ENPP7: variants seen among roughly 807,000 people sequenced by gnomAD.
ENPP7 encodes the protein ectonucleotide pyrophosphatase/phosphodiesterase 7, also known as ectonucleotide pyrophosphatase/phosphodiesterase family member 7.
ENPP7 carries 39 observed loss-of-function variants against 33.6 expected under a neutral mutation model. That is an observed-to-expected ratio of 1.16 (90% CI 0.90 to 1.52). The LOEUF is 1.52. Among genes scored for constraint, ENPP7 ranks in the 40% most tolerant of loss-of-function variants. The probability of loss-of-function intolerance (pLI) is 0.00; values close to 1 mark genes in which losing one functional copy is unlikely to be tolerated. For missense variants in ENPP7, 594 were observed against 641.0 expected, an observed-to-expected ratio of 0.93 and a Z score of 0.79; for synonymous variants, 244 against 274.3, an observed-to-expected ratio of 0.89 and a Z score of 1.09.
In ENPP7 at chr17:79,738,116, C is replaced by G; in HGVS notation, c.*16+54C>G. 2 of 1,564,430 alleles carry G rather than the reference C, an allele frequency of 1.3e-6. No homozygotes were observed. Among genetic ancestry groups the G allele is most frequent in the Admixed American group, 3.4e-5 (2 of 59,494 alleles). ...GGGTGGCCCCACGCTCCCTGACCCT[C>G]CACCCTGATGTCCCAGCTACAGTCC... On this transcript the variant is annotated intron_variant, in intron 5 of 5. Coordinates refer to ENST00000328313, the MANE Select transcript of ENPP7 (RefSeq NM_178543.5). The surrounding 1 kb of genome is among the most constrained non-coding windows in gnomAD (Gnocchi z 6.2).
intron 1 of ENPP7, among the ~76,000 whole-genome samples, chr17:79,732,623 C>T (rs1174561359): frequency 4.6e-5 from 7 of 152,162 alleles, no homozygotes; most frequent in African/African-American, 1.7e-4. Flanking sequence ...AGCATCACTC[C>T]GACCTCTCCC....
rs1555823267 is a variant in ENPP7, at chr17:79,735,219, A to G, written c.576A>G (p.Thr192=). Residue 192 remains threonine, a synonymous_variant, in exon 3 of 6, where the codon ACA becomes ACG. Transcript: ENST00000328313. The surrounding 1 kb of genome is among the most constrained non-coding windows in gnomAD (Gnocchi z 5.5). ...WFTEEDLDLV[T]LYFGEPDSTG... is the part of the protein sequence containing the mutation. The stretch of plus-strand genomic sequence containing the variant: ...CAGAGGAGGACCTGGATCTGGTCAC[A>G]CTCTACTTCGGGGAGCCGGACTCCA... 1.2e-6 allele frequency: 2 copies of G among 1,613,046 alleles called. No homozygotes were observed. The highest frequency in any genetic ancestry group is 1.7e-6 in the Non-Finnish European group (2 of 1,179,982).
rs1289559689 is a variant in ENPP7, at chr17:79,735,728, CTT to C, written c.1026+71_1026+72del. ...GCTCCCTCCCCAGGCTCTGGGTCTT[CTT>C]TTTTTTTTTTTGAGACCAGGGTCTT... On this transcript the variant is annotated intron_variant, in intron 3 of 5. Coordinates refer to ENST00000328313, the MANE Select transcript of ENPP7 (RefSeq NM_178543.5). The surrounding 1 kb of genome is among the most constrained non-coding windows in gnomAD (Gnocchi z 5.5). The C allele has an allele frequency of 3.7e-3, 4,409 of 1,207,916 alleles. No homozygotes were observed. Among genetic ancestry groups the C allele is most frequent in the Non-Finnish European group, 4.3e-3 (3,785 of 889,946 alleles). 74.8% of individuals were successfully genotyped at this position (1,207,916 alleles called of 1,614,324 possible).
Position 79,731,536 on chromosome 17 carries a change from G to A in ENPP7, c.253+144G>A, listed in dbSNP as rs77245090. 1.5e-3 allele frequency: 1,612 copies of A among 1,109,542 alleles called. 19 individuals carry two copies. In the African/African-American group the frequency reaches 0.02, roughly 14 times the overall value. 68.7% of individuals were successfully genotyped at this position (1,109,542 alleles called of 1,614,324 possible). ...AAGGGGACCATTAGGAATCCTCACC[G>A]TTGGTAGCAACAGATCCGGGACAAA... On this transcript the variant is annotated intron_variant, in intron 1 of 5. Transcript: ENST00000328313.
intron 1 of ENPP7, 31 bp downstream of exon 1, chr17:79,731,423 G>T: frequency 1.3e-6 from 2 of 1,585,780 alleles, no homozygotes; most frequent in Non-Finnish European, 8.6e-7. Context: ...GGGCCTGGGG[G>T]TGGGAGGGCC....
chr17:79,732,134 A>G (rs782212450), intron 1 of ENPP7, among the ~76,000 whole-genome samples: 17,115 of 60,036 alleles, frequency 0.29, 2,766 homozygotes, highest in African/African-American at 0.4. Flanking sequence ...ATATATATGT[A>G]TATATATATA....
At chr17:79,733,683 G>C (rs755529885) in intron 2 of ENPP7, 30 bp downstream of exon 2, 31 of 1,576,058 alleles carry the variant, frequency 2.0e-5, no homozygotes, top group Non-Finnish European at 2.6e-5. Context: ...TACTGACATC[G>C]CAGAGCACGG....
Position 79,737,666 on chromosome 17 carries a change from C to T in ENPP7, c.1247-250C>T, listed in dbSNP as rs1219420781. Among the ~76,000 whole-genome samples, 8 of 152,212 alleles carry T rather than the reference C, an allele frequency of 5.3e-5. No individual in the cohort carries two copies. The highest frequency in any genetic ancestry group is 1.9e-4 in the African/African-American group (8 of 41,458). On this transcript the variant is annotated intron_variant, in intron 4 of 5. Transcript: ENST00000328313. The surrounding 1 kb of genome is among the most constrained non-coding windows in gnomAD (Gnocchi z 5.5). The stretch of plus-strand genomic sequence containing the variant: ...CACACCTCCCCACTGGAACCTGCCC[C>T]ATCTTGGGGACAAAGGCCACCTGGA...
intron 3 of ENPP7, 105 bp from the exon 4 acceptor site, chr17:79,736,936 C>A (rs74480328): frequency 2.3e-6 from 2 of 872,392 alleles, no homozygotes; most frequent in East Asian, 2.6e-5. Context: ...CCAGCCCTCA[C>A]GTTGGTGCTC....
rs1555823467 is a variant in ENPP7 at position 79,735,669 on chromosome 17, G to C, written c.1026G>C (p.Gly342=). The change falls in exon 3 of 6, where the codon GGG becomes GGC. Residue 342 remains glycine (G), a splice_region_variant and synonymous_variant. Coordinates refer to ENST00000328313, the MANE Select transcript of ENPP7 (RefSeq NM_178543.5). This position sits in a 1 kb window ranked among gnomAD's most constrained non-coding sequence, Gnocchi z 5.5. The part of the protein sequence containing the change: ...MYSDLGYVIH[G]RINVQFNNGE... ...GCGACCTTGGCTACGTCATCCATGG[G>C]GTGAGTCGCCTGCTGGAGGCACCAC... 1.2e-6 allele frequency: 2 copies of C among 1,601,274 alleles called. No individual in the cohort carries two copies. Among genetic ancestry groups the C allele is most frequent in the African/African-American group, 2.7e-5 (2 of 74,594 alleles).
At chr17:79,741,572 G>C (rs1905522166) in intron 5 of ENPP7, among the ~76,000 whole-genome samples, 1 of 148,758 alleles carries the variant, frequency 6.7e-6, no homozygotes, top group Non-Finnish European at 1.5e-5. Context: ...CCCCGCACCT[G>C]TGCCCTCCCA....
chr17:79,737,957 A>T lies in ENPP7; in HGVS notation c.1288A>T (p.Lys430Ter). The T allele has an allele frequency of 6.2e-7, 1 of 1,613,836 alleles. No homozygotes were observed. The highest frequency in any genetic ancestry group is 8.5e-7 in the Non-Finnish European group (1 of 1,179,996). ...PPDGRPTLLP[K>*]GRSALPPSSR... ...TGATGGAAGGCCTACTCTCCTGCCC[A>T]AGGGAAGATCTGCTCTCCCGCCCAG... Residue 430 changes from lysine (K) to a stop codon, truncating the protein, a stop_gained, in exon 5 of 6, where the codon AAG becomes TAG. Transcript: ENST00000328313. LOFTEE classifies it high-confidence loss of function. The surrounding 1 kb of genome is among the most constrained non-coding windows in gnomAD (Gnocchi z 5.5).
In ENPP7 at chr17:79,737,306, C is replaced by T. The variant is rs2094297831; in HGVS notation, c.1246+46C>T. On this transcript the variant is annotated intron_variant, in intron 4 of 5. Transcript: ENST00000328313. The surrounding 1 kb of genome is among the most constrained non-coding windows in gnomAD (Gnocchi z 5.5). ...ATCCCCGCCTGCTCTGGTGTGTACA[C>T]GTGTGCACACGAGGGTGCCTGCATG... The T allele has an allele frequency of 5.4e-6, 8 of 1,478,162 alleles. No individual in the cohort carries two copies. Among genetic ancestry groups the T allele is most frequent in the Middle Eastern group, 2.1e-4 (1 of 4,772 alleles). The allele number at this position is 1,478,162 out of a possible 1,614,324, so 91.6% of individuals were successfully genotyped here.
At position 79,736,540 on chromosome 17, in the gene ENPP7, T is replaced by TAC. The variant is rs1555823621; in HGVS notation, c.1027-501_1027-500insAC. Among the ~76,000 whole-genome samples the TAC allele has an allele frequency of 5.5e-3, 311 of 56,820 alleles. 3 individuals are homozygous for TAC. Among genetic ancestry groups the TAC allele is most frequent in the African/African-American group, 0.024 (151 of 6,416 alleles). The allele number at this position is 56,820 out of a possible 152,430, so 37.3% of individuals were successfully genotyped here. A position where few individuals can be genotyped will look rare whatever the true frequency, so the allele number is the denominator to read the frequency against. ...GACCAGGCACTGTGTGATAGGCGTG[T>TAC]GTGTGTGTGTGTGTGTGTGTGTGTG... On this transcript the variant is annotated intron_variant, in intron 3 of 5. Transcript: ENST00000328313.
In ENPP7 at chr17:79,733,589, C is replaced by G. The variant is rs142356062; in HGVS notation, c.335C>G (p.Thr112Arg). 6.2e-7 allele frequency: 1 copy of G among 1,613,550 alleles called. No homozygotes were observed. Among genetic ancestry groups the G allele is most frequent in the Non-Finnish European group, 8.5e-7 (1 of 1,180,016 alleles). Residue 112 changes from threonine to arginine, a missense_variant, in exon 2 of 6, where the codon ACG becomes AGG. This residue lies in a region of ENPP7 where 504 missense variants were observed against 512.8 expected (regional missense o/e 0.98). Coordinates refer to ENST00000328313, the MANE Select transcript of ENPP7 (RefSeq NM_178543.5). The stretch of plus-strand genomic sequence containing the variant: ...AAGGTGAAGCTGCCCTACCACGCCA[C>G]GCTGGGCATCCAGAGGTGGTGGGAC... Reference protein sequence around the residue: ...TSKVKLPYHATLGIQRWWDNG... With the variant: ...TSKVKLPYHARLGIQRWWDNG...
rs781874788 is a variant in ENPP7, at chr17:79,735,688, G to A, written c.1026+19G>A. 6.3e-7 allele frequency: 1 copy of A among 1,589,556 alleles called. No homozygotes were observed. The highest frequency in any genetic ancestry group is 8.6e-7 in the Non-Finnish European group (1 of 1,165,502). ...CCATGGGGTGAGTCGCCTGCTGGAG[G>A]CACCACCTCCAGGGGCTCCCTCCCC... On this transcript the variant is annotated intron_variant, in intron 3 of 5. Transcript: ENST00000328313. This position sits in a 1 kb window ranked among gnomAD's most constrained non-coding sequence, Gnocchi z 5.5.
chr17:79,737,955 C>T lies in ENPP7; in HGVS notation c.1286C>T (p.Pro429Leu), dbSNP rs2094298952. ...CCTGATGGAAGGCCTACTCTCCTGC[C>T]CAAGGGAAGATCTGCTCTCCCGCCC... The part of the protein sequence containing the change: ...LPPDGRPTLL[P>L]KGRSALPPSS... Residue 429 changes from proline (P) to leucine (L), a missense_variant, in exon 5 of 6, where the codon CCC becomes CTC. Around this residue, in one of 3 missense-constraint regions of ENPP7, gnomAD observed 504 missense variants for 512.8 expected, o/e 0.98. Transcript: ENST00000328313. This position sits in a 1 kb window ranked among gnomAD's most constrained non-coding sequence, Gnocchi z 5.5. The T allele has an allele frequency of 1.2e-6, 2 of 1,613,860 alleles. No individual in the cohort carries two copies. The highest frequency in any genetic ancestry group is 1.7e-6 in the Non-Finnish European group (2 of 1,179,996).
chr17:79,732,119 T>TATATACATATATAC (rs1555822639), intron 1 of ENPP7, among the ~76,000 whole-genome samples: 63 of 49,812 alleles, frequency 1.3e-3, no homozygotes, highest in African/African-American at 4.0e-3. Flanking sequence ...CATATATATA[T>TATATACATATATAC]ACATATATAT....
Position 79,733,551 on chromosome 17 carries a change from C to T in ENPP7, c.297C>T (p.Tyr99=). The T allele has an allele frequency of 6.2e-7, 1 of 1,613,572 alleles. No individual in the cohort carries two copies. Among genetic ancestry groups the T allele is most frequent in the African/African-American group, 1.3e-5 (1 of 75,068 alleles). ...ENHGVVHNMY[Y]NTTSKVKLPY... is the part of the protein sequence containing the mutation. ...ACGGGGTGGTTCACAACATGTACTACAACACCACCAGCAAGGTGAAGCTGC... is the reference window on the plus strand; with the variant it reads ...ACGGGGTGGTTCACAACATGTACTATAACACCACCAGCAAGGTGAAGCTGC... The change falls in exon 2 of 6, where the codon TAC becomes TAT. Residue 99 remains tyrosine, a synonymous_variant. Transcript: ENST00000328313.
Sources: allele counts gnomAD v4.1 joint callset (sites outside exome capture counted in the v4.1 genomes callset), GRCh38; gene constraint gnomAD v4.1.1; regional missense constraint gnomAD v4.1.1; non-coding constraint Gnocchi (gnomAD v3.1); transcripts MANE v1.5; gene names NCBI Gene and HGNC (gene_info 2026-07-23, HGNC 2026-07-21).